The following ANKRD12 variants were observed in gnomAD, a reference collection of about 807,000 sequenced individuals.
ANKRD12 encodes the protein ankyrin repeat domain 12.
In ANKRD12, 85 loss-of-function variants were observed where a neutral mutation model predicts 183.4. The observed-to-expected ratio is 0.46, with a 90% CI of 0.39 to 0.56. ANKRD12 has a LOEUF of 0.56. ANKRD12 is among the 20% of genes least tolerant of loss of function. The pLI is 0.00. For synonymous variants in ANKRD12, 914 were observed against 800.2 expected (o/e 1.14, Z -2.40); for missense variants, 2,405 against 2,357.1 (o/e 1.02, Z -0.42).
At chr18:9,164,295 T>A (rs1035809902) in intron 1 of ANKRD12, among the ~76,000 whole-genome samples, 2 of 152,200 alleles carry the variant, frequency 1.3e-5, no homozygotes, top group Non-Finnish European at 2.9e-5. Context: ...TGTCTGTCTT[T>A]AGTTCTGTGT....
intron 1 of ANKRD12, among the ~76,000 whole-genome samples, chr18:9,150,754 G>A (rs11081462): frequency 0.78 from 119,206 of 151,980 alleles, 46,953 homozygotes; most frequent in Middle Eastern, 0.88. Context: ...CCCAGGTTCA[G>A]GCCATTCTCC....
chr18:9,261,481 T>C (rs747910064), intron 9 of ANKRD12, among the ~76,000 whole-genome samples: 2 of 152,192 alleles, frequency 1.3e-5, no homozygotes, highest in Non-Finnish European at 2.9e-5. Context: ...TTGTAAAGAA[T>C]TGTAAGAGAA....
At position 9,163,054 on chromosome 18, in the gene ANKRD12, C is replaced by A. The variant is rs1171792079; in HGVS notation, c.-51-19328C>A. On this transcript the variant is annotated intron_variant, in intron 1 of 12. Coordinates refer to ENST00000262126, the MANE Select transcript of ANKRD12 (RefSeq NM_015208.5). ...GAAGCTCCTTAGTTTAATTAGATCC[C>A]ATTTGTCAATTTTTGCTTTTGTTGC... Among the ~76,000 whole-genome samples, 4 of 152,148 alleles carry A rather than the reference C, an allele frequency of 2.6e-5. No individual in the cohort carries two copies. The East Asian group carries it at 7.7e-4, about 29-fold the overall frequency.
intron 2 of ANKRD12, among the ~76,000 whole-genome samples, chr18:9,194,378 CAG>C (rs2034645797): frequency 6.8e-6 from 1 of 146,938 alleles, no homozygotes; most frequent in Non-Finnish European, 1.5e-5. Flanking sequence ...TTTATTGAGA[CAG>C]AGTTTTGCTC....
intron 8 of ANKRD12, among the ~76,000 whole-genome samples, chr18:9,226,437 A>AG (rs1450768705): frequency 6.6e-6 from 1 of 150,948 alleles, no homozygotes; most frequent in Non-Finnish European, 1.5e-5. Context: ...AAAAAAGAAA[A>AG]AAAAATTTCC....
chr18:9,182,060 G>T (rs1201329434), intron 1 of ANKRD12, among the ~76,000 whole-genome samples: 1 of 152,146 alleles, frequency 6.6e-6, no homozygotes, highest in African/African-American at 2.4e-5. Flanking sequence ...AACTACAAGG[G>T]CATCGATTAG....
intron 1 of ANKRD12, among the ~76,000 whole-genome samples, chr18:9,142,717 A>G (rs59292240): frequency 0.011 from 1,639 of 152,162 alleles, 34 homozygotes; most frequent in African/African-American, 0.038. Context: ...CCCCCTCTCT[A>G]CTAAAGAATA....
intron 1 of ANKRD12, among the ~76,000 whole-genome samples, chr18:9,163,459 T>C (rs2031681104): frequency 6.6e-6 from 1 of 152,198 alleles, no homozygotes. Context: ...TGTAGTCTGG[T>C]AACATGATGC....
At chr18:9,273,722 C>T (rs2039709870) in intron 10 of ANKRD12, among the ~76,000 whole-genome samples, 1 of 152,182 alleles carries the variant, frequency 6.6e-6, no homozygotes, top group African/African-American at 2.4e-5. Flanking sequence ...AAAGTGTGAA[C>T]AGCCTGTAGG....
chr18:9,162,829 CT>C (rs2031607283), intron 1 of ANKRD12, among the ~76,000 whole-genome samples: 1 of 151,776 alleles, frequency 6.6e-6, no homozygotes, highest in Admixed American at 6.6e-5. Context: ...TGTTTGTTGG[CT>C]GCATGAATTC....
chr18:9,213,035 T>C (rs571802428), intron 6 of ANKRD12, among the ~76,000 whole-genome samples: 11 of 152,070 alleles, frequency 7.2e-5, no homozygotes, highest in Admixed American at 1.3e-4. Context: ...ACACTCTCAT[T>C]ACAGTGTTTA....
intron 8 of ANKRD12, among the ~76,000 whole-genome samples, chr18:9,234,571 CTG>C (rs2037236603): frequency 6.6e-6 from 1 of 152,188 alleles, no homozygotes; most frequent in South Asian, 2.1e-4. Flanking sequence ...CCAGCCAACA[CTG>C]TGCCACTATA....
At chr18:9,237,889 C>T (rs188686882) in intron 8 of ANKRD12, among the ~76,000 whole-genome samples, 4 of 152,188 alleles carry the variant, frequency 2.6e-5, no homozygotes, top group Non-Finnish European at 2.9e-5. Flanking sequence ...TTACAAGACT[C>T]AACAAAATCT....
chr18:9,235,629 C>T (rs1220372934), intron 8 of ANKRD12: 1 of 456,280 alleles, frequency 2.2e-6, no homozygotes, highest in Admixed American at 2.3e-5. Context: ...TTAGTCTCTT[C>T]ATCCTCAGGA....
At chr18:9,274,827 T>G (rs934203567) in intron 10 of ANKRD12, among the ~76,000 whole-genome samples, 2 of 152,204 alleles carry the variant, frequency 1.3e-5, no homozygotes, top group Non-Finnish European at 2.9e-5. Flanking sequence ...TGTTTGTTTG[T>G]AGAGATGGGG....
intron 10 of ANKRD12, among the ~76,000 whole-genome samples, chr18:9,272,507 A>T (rs1476464282): frequency 6.6e-6 from 1 of 152,022 alleles, no homozygotes; most frequent in Non-Finnish European, 1.5e-5. Context: ...GGTTGCAGTG[A>T]GCTGATATCA....
intron 1 of ANKRD12, among the ~76,000 whole-genome samples, chr18:9,138,412 C>T (rs2078200547): frequency 6.6e-6 from 1 of 152,180 alleles, no homozygotes. Context: ...ACTTGGGAAG[C>T]CGAGGCAGGG....
chr18:9,266,872 A>G (rs2039319404), intron 10 of ANKRD12, among the ~76,000 whole-genome samples: 1 of 152,162 alleles, frequency 6.6e-6, no homozygotes, highest in Non-Finnish European at 1.5e-5. Flanking sequence ...CAGGAAACCC[A>G]TCTCACGTGC....
chr18:9,275,070 A>G (rs2039768206), intron 10 of ANKRD12, among the ~76,000 whole-genome samples: 1 of 152,158 alleles, frequency 6.6e-6, no homozygotes, highest in African/African-American at 2.4e-5. Context: ...CCACACCTAT[A>G]GTACTAGCTA....
Sources: allele counts gnomAD v4.1 joint callset (sites outside exome capture counted in the v4.1 genomes callset), GRCh38; gene constraint gnomAD v4.1.1; transcripts MANE v1.5; gene names NCBI Gene and HGNC (gene_info 2026-07-23, HGNC 2026-07-21).